INO80: variants seen among roughly 807,000 people sequenced by gnomAD.
INO80 encodes chromatin-remodeling ATPase INO80.
A neutral mutation model predicts 203.4 loss-of-function variants in INO80; 20 were observed. The ratio of observed to expected loss-of-function variants is 0.10; its 90% CI spans 0.07 to 0.14. INO80 has a LOEUF of 0.14. Among genes scored for constraint, INO80 ranks in the 10% least tolerant of loss-of-function variants. INO80 has a pLI of 1.00. For missense variants in INO80, 1,419 were observed against 1,914.4 expected (o/e 0.74, Z 4.83); for synonymous variants, 726 against 685.2 (o/e 1.06, Z -0.93).
chr15:41,003,329 C>CTTTGTT (rs2043989559), intron 28 of INO80, among the ~76,000 whole-genome samples: 1 of 107,576 alleles, frequency 9.3e-6, no homozygotes, highest in Non-Finnish European at 1.9e-5. Flanking sequence ...TTTTTCTTTT[C>CTTTGTT]TTTTCTTTTT....
At chr15:41,095,327 G>T (rs887112588) in intron 4 of INO80, among the ~76,000 whole-genome samples, 2 of 152,190 alleles carry the variant, frequency 1.3e-5, no homozygotes, top group Non-Finnish European at 2.9e-5. Context: ...GGCAACAAGA[G>T]CAAAATGTTG....
At chr15:41,022,212 A>G (rs2140469333) in intron 25 of INO80, among the ~76,000 whole-genome samples, 1 of 152,354 alleles carries the variant, frequency 6.6e-6, no homozygotes, top group African/African-American at 2.4e-5. Context: ...AGACTAAGAC[A>G]TGGGGAGAAA....
At chr15:41,008,667 A>G (rs890048522) in intron 27 of INO80, among the ~76,000 whole-genome samples, 4 of 152,324 alleles carry the variant, frequency 2.6e-5, no homozygotes, top group Admixed American at 6.5e-5. Context: ...CTGATAGCCT[A>G]TATCAGCAGC....
chr15:41,025,723 A>G (rs1189589686), intron 25 of INO80, among the ~76,000 whole-genome samples: 1 of 152,028 alleles, frequency 6.6e-6, no homozygotes, highest in Non-Finnish European at 1.5e-5. Flanking sequence ...TCAAAAACAA[A>G]AACAAAAAAC....
intron 34 of INO80, 107 bp from the exon 35 acceptor site, chr15:40,983,184 G>A: frequency 1.2e-6 from 1 of 842,868 alleles, no homozygotes; most frequent in South Asian, 1.7e-5. Flanking sequence ...TAGGGCATTT[G>A]TTTTAGGACC....
chr15:41,068,809 G>A (rs1354308942), intron 14 of INO80, among the ~76,000 whole-genome samples: 2 of 152,086 alleles, frequency 1.3e-5, no homozygotes, highest in African/African-American at 2.4e-5. Flanking sequence ...GCAGTGAGCC[G>A]AGATTGTGCC....
Position 41,049,402 on chromosome 15 carries a change from A to G in INO80, c.2461T>C (p.Leu821=). 2.5e-6 allele frequency: 4 copies of G among 1,613,926 alleles called. No homozygotes were observed. Among genetic ancestry groups the G allele is most frequent in the Non-Finnish European group, 3.4e-6 (4 of 1,179,888 alleles). ...QFRKVCNHPE[L]FERQETWSPF... ...GACCAAGTTTCTTGCCGTTCAAATA[A>G]CTCCGGGTGATTACACACCTAAAAG... The change falls in exon 21 of 36, where the codon TTA becomes CTA. Residue 821 remains leucine (L), a synonymous_variant. Transcript: ENST00000648947.
At chr15:40,986,981 A>C (rs1300941406) in intron 31 of INO80, 110 bp downstream of exon 31, 1 of 599,454 alleles carries the variant, frequency 1.7e-6, no homozygotes, top group Non-Finnish European at 3.0e-6. Flanking sequence ...GAGCACAAAA[A>C]TACTTTCCCT....
intron 24 of INO80, among the ~76,000 whole-genome samples, chr15:41,041,529 C>A (rs2044667904): frequency 6.6e-6 from 1 of 151,912 alleles, no homozygotes. Flanking sequence ...CAACCTCCAC[C>A]TCCTGGGTTC....
chr15:41,036,156 G>GAAAAAAA (rs369185302), intron 24 of INO80, among the ~76,000 whole-genome samples: 7 of 32,142 alleles, frequency 2.2e-4, no homozygotes, highest in African/African-American at 3.8e-4. Flanking sequence ...ACTCTCTCTC[G>GAAAAAAA]AAAAAAAAAA....
rs1205932520 is a variant in INO80 at position 41,046,202 on chromosome 15, C to CATATATATAT, written c.2736-1128_2736-1127insATATATATAT. Among the ~76,000 whole-genome samples, 192 of 109,432 alleles carry CATATATATAT rather than the reference C, an allele frequency of 1.8e-3. 33 individuals are homozygous for CATATATATAT. Among genetic ancestry groups the CATATATATAT allele is most frequent in the African/African-American group, 2.1e-3 (46 of 22,268 alleles). The allele number at this position is 109,432 out of a possible 152,430, so 71.8% of individuals were successfully genotyped here. A position where few individuals can be genotyped will look rare whatever the true frequency, so the allele number is the denominator to read the frequency against. On this transcript the variant is annotated intron_variant, in intron 23 of 35. Transcript: ENST00000648947. ...CTGTGTGTGTCTCTGTGTGCGTATA[C>CATATATATAT]ATACATATATATATATATATATATA... is the stretch of plus-strand genomic sequence containing the variant.
chr15:41,012,362 T>G (rs1200591379), intron 27 of INO80, among the ~76,000 whole-genome samples: 1 of 150,992 alleles, frequency 6.6e-6, no homozygotes, highest in African/African-American at 2.4e-5. Context: ...AGGTCAGGAG[T>G]TTGAGACCAG....
intron 1 of INO80, among the ~76,000 whole-genome samples, chr15:41,107,930 T>C (rs1236971304): frequency 1.3e-5 from 2 of 151,400 alleles, no homozygotes; most frequent in Non-Finnish European, 2.9e-5. Flanking sequence ...TGAAACCCCA[T>C]CTCTACTAAA....
rs769532285 is a variant in INO80, at chr15:41,074,262, G to A, written c.1327+108C>T. On this transcript the variant is annotated intron_variant, in intron 10 of 35. Transcript: ENST00000648947. ...CCAGTACAATAAATCTCTCTTTTCT[G>A]GTAAATTACCTATGAATCAATAAAA... The A allele has an allele frequency of 5.9e-5, 38 of 639,254 alleles. No individual in the cohort carries two copies. In the East Asian group the frequency reaches 1.1e-3, roughly 19 times the overall value. 39.6% of individuals were successfully genotyped at this position (639,254 alleles called of 1,614,324 possible).
chr15:41,011,966 C>T (rs900712374), intron 27 of INO80, among the ~76,000 whole-genome samples: 2 of 152,170 alleles, frequency 1.3e-5, no homozygotes, highest in African/African-American at 4.8e-5. Flanking sequence ...AACAATTACA[C>T]CACATATAGC....
chr15:41,075,616 G>A (rs537484004), intron 9 of INO80, among the ~76,000 whole-genome samples: 1 of 152,004 alleles, frequency 6.6e-6, no homozygotes, highest in Non-Finnish European at 1.5e-5. Context: ...CAACATGCCC[G>A]GCTAATTTTT....
At chr15:41,036,093 T>C (rs1402462020) in intron 24 of INO80, among the ~76,000 whole-genome samples, 7 of 136,576 alleles carry the variant, frequency 5.1e-5, no homozygotes, top group Non-Finnish European at 9.1e-5. Context: ...GAGGCGGAAG[T>C]TGCAGTGAGC....
At chr15:40,999,810 TA>T (rs2043933179) in intron 28 of INO80, among the ~76,000 whole-genome samples, 1 of 152,120 alleles carries the variant, frequency 6.6e-6, no homozygotes, top group Non-Finnish European at 1.5e-5. Context: ...AGGCTTCAAA[TA>T]AAAACTGATT....
chr15:41,044,581 C>A (rs1282460415), intron 24 of INO80, among the ~76,000 whole-genome samples: 2 of 151,890 alleles, frequency 1.3e-5, no homozygotes, highest in Non-Finnish European at 2.9e-5. Flanking sequence ...CGGAAAGGAG[C>A]ATGAGGGAGC....
Sources: allele counts gnomAD v4.1 joint callset (sites outside exome capture counted in the v4.1 genomes callset), GRCh38; gene constraint gnomAD v4.1.1; transcripts MANE v1.5; gene names NCBI Gene and HGNC (gene_info 2026-07-23, HGNC 2026-07-21).